Variants in SPAST observed in about 807,000 individuals in gnomAD.
SPAST encodes the protein spastic paraplegia 4 (autosomal dominant; spastin).
A neutral mutation model predicts 76.6 loss-of-function variants in SPAST; 30 were observed. That is an observed-to-expected ratio of 0.39 (90% CI 0.29 to 0.53). The LOEUF is 0.53. Ranked by LOEUF, SPAST falls within the 20% of genes least tolerant of loss-of-function variation. SPAST has a pLI of 0.68. For missense variants in SPAST, 717 were observed against 770.5 expected, an observed-to-expected ratio of 0.93 and a Z score of 0.82; for synonymous variants, 305 against 281.0, an observed-to-expected ratio of 1.09 and a Z score of -0.86.
intron 16 of SPAST, among the ~76,000 whole-genome samples, chr2:32,151,937 A>G (rs1680099207): frequency 6.6e-6 from 1 of 151,916 alleles, no homozygotes; most frequent in Non-Finnish European, 1.5e-5. Flanking sequence ...GAAAAACCCA[A>G]CTTATCTTTT....
chr2:32,082,532 A>T (rs1677279650), intron 1 of SPAST, among the ~76,000 whole-genome samples: 1 of 152,010 alleles, frequency 6.6e-6, no homozygotes, highest in South Asian at 2.1e-4. Context: ...CTCCGTCTCT[A>T]CTAAAAATAC....
rs745536099 is a variant in SPAST at position 32,136,955 on chromosome 2, T to C, written c.1400T>C (p.Ile467Thr). The C allele has an allele frequency of 6.2e-7, 1 of 1,612,314 alleles. No individual in the cohort carries two copies. Among genetic ancestry groups the C allele is most frequent in the Non-Finnish European group, 8.5e-7 (1 of 1,178,464 alleles). Residue 467 changes from isoleucine to threonine, a missense_variant, in exon 11 of 17, where the codon ATA (isoleucine) becomes ACA (threonine). Ile to Thr is a moderately conservative substitution (Grantham distance 89). Coordinates refer to ENST00000315285, the MANE Select transcript of SPAST (RefSeq NM_014946.4). ...AGACGCCTAAAAACTGAATTTCTAA[T>C]AGAATTTGATGGTGTAAGTGTTGAT... ...ASRRLKTEFLIEFDGVQSAGD... is the reference protein window; with the variant it reads ...ASRRLKTEFLTEFDGVQSAGD...
rs189016179 is a variant in SPAST, at chr2:32,141,251, T to A, written c.1494-653T>A. The stretch of plus-strand genomic sequence containing the variant: ...TCTTCCCGCCAGACTGTTAGATGCC[T>A]TCTTATAAAGATAATTCGTCTTAGA... On this transcript the variant is annotated intron_variant, in intron 12 of 16. Coordinates refer to ENST00000315285, the MANE Select transcript of SPAST (RefSeq NM_014946.4). Among the ~76,000 whole-genome samples the A allele has an allele frequency of 9.8e-4, 149 of 152,372 alleles. 1 individual carries two copies. The highest frequency in any genetic ancestry group is 3.5e-3 in the African/African-American group (147 of 41,586).
At chr2:32,113,560 C>CTTTTTTTTT (rs10534612) in intron 4 of SPAST, among the ~76,000 whole-genome samples, 2 of 90,946 alleles carry the variant, frequency 2.2e-5, no homozygotes, top group Non-Finnish European at 4.2e-5. Context: ...TGCTTCATAA[C>CTTTTTTTTT]TTTTTTTTTT....
intron 3 of SPAST, among the ~76,000 whole-genome samples, chr2:32,094,901 G>A (rs776057534): frequency 2.0e-5 from 3 of 152,214 alleles, no homozygotes; most frequent in South Asian, 2.1e-4. Flanking sequence ...CCCGGGAGGC[G>A]GAGGTTGCAG....
intron 1 of SPAST, among the ~76,000 whole-genome samples, chr2:32,080,364 T>A (rs1030935492): frequency 6.6e-6 from 1 of 152,216 alleles, no homozygotes; most frequent in Non-Finnish European, 1.5e-5. Flanking sequence ...AGTAAAACTT[T>A]ATGTACAAAA....
chr2:32,140,788 T>A (rs1679691784), intron 12 of SPAST, among the ~76,000 whole-genome samples: 2 of 151,350 alleles, frequency 1.3e-5, no homozygotes, highest in Non-Finnish European at 3.0e-5. Flanking sequence ...ATTAAATTTT[T>A]AAAAAATTAA....
At chr2:32,153,031 G>A (rs1417166357) in intron 16 of SPAST, among the ~76,000 whole-genome samples, 5 of 151,950 alleles carry the variant, frequency 3.3e-5, no homozygotes, top group Non-Finnish European at 5.9e-5. Flanking sequence ...TAACAGGTGC[G>A]AGCCACTGCA....
At chr2:32,069,481 T>C (rs1363485554) in intron 1 of SPAST, among the ~76,000 whole-genome samples, 1 of 152,024 alleles carries the variant, frequency 6.6e-6, no homozygotes, top group Non-Finnish European at 1.5e-5. Context: ...AAAGGTTTCC[T>C]AACTCTGTGG....
Position 32,116,177 on chromosome 2 carries a change from C to G in SPAST, c.1063C>G (p.Gln355Glu), listed in dbSNP as rs1678826642. Residue 355 changes from glutamine to glutamate, a missense_variant, in exon 7 of 17, where the codon CAA becomes GAA. By Grantham distance (29) the Gln-to-Glu change is conservative. Coordinates refer to ENST00000315285, the MANE Select transcript of SPAST (RefSeq NM_014946.4). ...AGQDLAKQAL[Q>E]EIVILPSLRP... ...TCAAGACTTGGCAAAACAAGCATTG[C>G]AAGAAATTGTTATTCTTCCTTCTCT... 6.2e-7 allele frequency: 1 copy of G among 1,613,228 alleles called. No individual in the cohort carries two copies. Among genetic ancestry groups the G allele is most frequent in the Non-Finnish European group, 8.5e-7 (1 of 1,179,462 alleles).
intron 4 of SPAST, among the ~76,000 whole-genome samples, chr2:32,099,155 G>A (rs562680252): frequency 7.9e-5 from 12 of 152,204 alleles, no homozygotes; most frequent in African/African-American, 2.2e-4. Context: ...ATACATTCCC[G>A]TAAGTGATTA....
intron 15 of SPAST, among the ~76,000 whole-genome samples, chr2:32,146,698 C>G (rs1339230329): frequency 6.6e-6 from 1 of 151,626 alleles, no homozygotes; most frequent in Non-Finnish European, 1.5e-5. Flanking sequence ...AACCGCATCT[C>G]TACTGAAAAT....
chr2:32,094,583 C>G (rs139886323), intron 3 of SPAST, among the ~76,000 whole-genome samples: 2 of 152,168 alleles, frequency 1.3e-5, no homozygotes, highest in African/African-American at 2.4e-5. Flanking sequence ...AGAACTCATG[C>G]GGAGAGGGAT....
intron 1 of SPAST, 49 bp downstream of exon 1, chr2:32,064,295 TG>T: frequency 4.7e-6 from 1 of 213,236 alleles, no homozygotes; most frequent in Non-Finnish European, 8.1e-6. Flanking sequence ...AAGAAGGCGG[TG>T]GGGTCGCCGG....
chr2:32,144,290 C>G (rs1679815787), intron 14 of SPAST, among the ~76,000 whole-genome samples: 1 of 152,102 alleles, frequency 6.6e-6, no homozygotes, highest in Non-Finnish European at 1.5e-5. Flanking sequence ...TGTTCTTTGC[C>G]AAGATAAACG....
chr2:32,114,534 T>G, intron 4 of SPAST, 104 bp from the exon 5 acceptor site: 1 of 873,218 alleles, frequency 1.1e-6, no homozygotes, highest in South Asian at 1.6e-5. Flanking sequence ...GAAATATTTT[T>G]GAATTAAAAA....
At chr2:32,067,468 T>G (rs1178815962) in intron 1 of SPAST, among the ~76,000 whole-genome samples, 2 of 152,080 alleles carry the variant, frequency 1.3e-5, no homozygotes, top group Non-Finnish European at 2.9e-5. Context: ...CCTGAGCTCT[T>G]AGATTTGAAG....
chr2:32,111,926 A>T (rs1328207406), intron 4 of SPAST, among the ~76,000 whole-genome samples: 2 of 149,096 alleles, frequency 1.3e-5, no homozygotes, highest in Non-Finnish European at 3.0e-5. Context: ...ATATATTTTT[A>T]ATATATATAC....
intron 1 of SPAST, among the ~76,000 whole-genome samples, chr2:32,073,654 T>C (rs928829480): frequency 1.3e-5 from 2 of 152,134 alleles, no homozygotes; most frequent in Non-Finnish European, 2.9e-5. Context: ...TGACCTATAA[T>C]AGTCCTGCAA....
Sources: allele counts gnomAD v4.1 joint callset (sites outside exome capture counted in the v4.1 genomes callset), GRCh38; gene constraint gnomAD v4.1.1; transcripts MANE v1.5; gene names NCBI Gene and HGNC (gene_info 2026-07-23, HGNC 2026-07-21).